The following ARL9 variants were observed in gnomAD, a reference collection of about 807,000 sequenced individuals.
ARL9 encodes ADP-ribosylation factor-like protein 9.
A neutral mutation model predicts 27.0 loss-of-function variants in ARL9; 14 were observed. That is an observed-to-expected ratio of 0.52 (90% CI 0.34 to 0.81). ARL9 has a LOEUF of 0.81. Ranked by LOEUF, ARL9 falls within the 30% of genes least tolerant of loss-of-function variation. The probability of loss-of-function intolerance (pLI) is 0.01; values close to 1 mark genes in which losing one functional copy is unlikely to be tolerated. For synonymous variants in ARL9, 106 were observed against 108.7 expected, an observed-to-expected ratio of 0.98 and a Z score of 0.15; for missense variants, 294 against 290.0, an observed-to-expected ratio of 1.01 and a Z score of -0.10.
intron 1 of ARL9, 88 bp from the exon 2 acceptor site, chr4:56,511,097 T>C: frequency 7.7e-7 from 1 of 1,300,290 alleles, no homozygotes; most frequent in Non-Finnish European, 1.0e-6. Flanking sequence ...CTGGTTACAG[T>C]TCCAAGAATA....
At chr4:56,516,042 A>C (rs946527836) in intron 2 of ARL9, among the ~76,000 whole-genome samples, 1 of 152,252 alleles carries the variant, frequency 6.6e-6, no homozygotes, top group Non-Finnish European at 1.5e-5. Context: ...TCAAGTATCA[A>C]ATCTTATTAT....
intron 3 of ARL9, 142 bp from the exon 4 acceptor site, chr4:56,523,555 C>G: frequency 1.6e-6 from 1 of 619,322 alleles, no homozygotes; most frequent in Non-Finnish European, 2.7e-6. Context: ...AACCTCTGGG[C>G]TCATAATAAT....
chr4:56,507,699 C>T (rs764651649), intron 1 of ARL9, among the ~76,000 whole-genome samples: 14 of 151,498 alleles, frequency 9.2e-5, no homozygotes, highest in African/African-American at 1.5e-4. Context: ...AAAAAGCCGG[C>T]GCAGTGGCTC....
chr4:56,519,453 A>G (rs952670258), intron 3 of ARL9, among the ~76,000 whole-genome samples: 2 of 152,140 alleles, frequency 1.3e-5, no homozygotes, highest in Non-Finnish European at 2.9e-5. Context: ...CTACTAAAAT[A>G]CAAAAGATTA....
In ARL9 at chr4:56,511,465, C is replaced by A. The variant is rs890652660; in HGVS notation, c.442+118C>A. ...TAACACTGAATCAAATTTTCCTAGA[C>A]TTTTAGAATGGATGTGTAGTTTAAT... On this transcript the variant is annotated intron_variant, in intron 2 of 3. Coordinates refer to ENST00000640821, the MANE Select transcript of ARL9 (RefSeq NM_001363794.2). 3.5e-6 allele frequency: 4 copies of A among 1,155,824 alleles called. No homozygotes were observed. The African/African-American group carries it at 4.7e-5, about 13-fold the overall frequency. The allele number at this position is 1,155,824 out of a possible 1,614,324, so 71.6% of individuals were successfully genotyped here.
rs1721669065 is a variant in ARL9, at chr4:56,512,645, T to G, written c.442+1298T>G. ...ACCTCTGCCTCCTGGGTTCAAGCGA[T>G]TCTCTTGCCTCAGTCTCCTGAGTAG... On this transcript the variant is annotated intron_variant, in intron 2 of 3. Transcript: ENST00000640821. Among the ~76,000 whole-genome samples, 3 of 151,790 alleles carry G rather than the reference T, an allele frequency of 2.0e-5. No individual in the cohort carries two copies. The South Asian group carries it at 6.3e-4, about 32-fold the overall frequency.
intron 1 of ARL9, among the ~76,000 whole-genome samples, chr4:56,510,231 T>G (rs1050394810): frequency 1.3e-5 from 2 of 151,420 alleles, no homozygotes; most frequent in Non-Finnish European, 2.9e-5. Context: ...GGCATGCTCC[T>G]GTAATCTCAG....
At chr4:56,505,592 T>C (rs957800574), upstream of ARL9, 1 of 594,636 alleles carries the variant, frequency 1.7e-6, no homozygotes, top group East Asian at 3.2e-5. Flanking sequence ...CCTCTTGGTT[T>C]CGCTTGGCTG....
At chr4:56,506,175 A>C in intron 1 of ARL9, 34 bp downstream of exon 1, 2 of 1,232,798 alleles carry the variant, frequency 1.6e-6, no homozygotes, top group Non-Finnish European at 2.0e-6. Flanking sequence ...CCCTTGCCCC[A>C]AGGCTTTTGT....
chr4:56,509,198 T>TTC (rs1721552995), intron 1 of ARL9, among the ~76,000 whole-genome samples: 1 of 136,994 alleles, frequency 7.3e-6, no homozygotes, highest in African/African-American at 2.8e-5. Context: ...TCTTTTTCTT[T>TTC]TTCTTTTTTT....
rs1460246658 is a variant in ARL9 at position 56,511,190 on chromosome 4, A to G, written c.285A>G (p.Lys95=). The G allele has an allele frequency of 7.0e-6, 11 of 1,577,340 alleles. No individual in the cohort carries two copies. The Admixed American group carries it at 2.1e-4, about 30-fold the overall frequency. ...TTTATCTTTTTGTTTCACAGGAGAA[A>G]AACAAGCAAATCCTAGTGCTGGGCC... ...LTRTPLEPLE[K]NKQILVLGLD... Residue 95 remains lysine, a synonymous_variant, in exon 2 of 4, where the codon AAA becomes AAG. Transcript: ENST00000640821.
intron 2 of ARL9, among the ~76,000 whole-genome samples, chr4:56,516,585 A>T (rs1412259270): frequency 1.3e-4 from 2 of 15,014 alleles, no homozygotes; most frequent in African/African-American, 3.2e-4. Flanking sequence ...CAAATTAGGC[A>T]AAAAAAAAAA....
At chr4:56,520,596 A>G (rs1393920467) in intron 3 of ARL9, among the ~76,000 whole-genome samples, 1 of 152,208 alleles carries the variant, frequency 6.6e-6, no homozygotes, top group African/African-American at 2.4e-5. Flanking sequence ...TAGTTGTATA[A>G]CAATGTAAAT....
intron 1 of ARL9, among the ~76,000 whole-genome samples, chr4:56,507,157 T>A (rs1002636119): frequency 2.0e-5 from 3 of 152,044 alleles, no homozygotes. Flanking sequence ...AAGGAATAAC[T>A]TTTGACAAAA....
chr4:56,523,920 A>C lies in ARL9; in HGVS notation c.*44A>C, dbSNP rs368044929. ...TGCGGCTCACGACTGAGATGTCATC[A>C]GTGTTGAATGGCAGGCTTGAAGCCA... On this transcript the variant is annotated 3_prime_UTR_variant, in exon 4 of 4. Coordinates refer to ENST00000640821, the MANE Select transcript of ARL9 (RefSeq NM_001363794.2). 1.2e-4 allele frequency: 180 copies of C among 1,536,976 alleles called. No homozygotes were observed. In the African/African-American group the frequency reaches 2.0e-3, roughly 17 times the overall value.
intron 3 of ARL9, among the ~76,000 whole-genome samples, chr4:56,521,387 T>C (rs1056004680): frequency 6.6e-6 from 1 of 152,192 alleles, no homozygotes; most frequent in Non-Finnish European, 1.5e-5. Flanking sequence ...GCCAGGAATT[T>C]TGAGTTATTT....
intron 3 of ARL9, among the ~76,000 whole-genome samples, chr4:56,521,018 T>C (rs1172784108): frequency 1.3e-5 from 2 of 152,052 alleles, no homozygotes; most frequent in Admixed American, 1.3e-4. Flanking sequence ...GAGACCAGCC[T>C]GGCCAACATG....
At chr4:56,520,074 C>T (rs1721874804) in intron 3 of ARL9, among the ~76,000 whole-genome samples, 1 of 151,880 alleles carries the variant, frequency 6.6e-6, no homozygotes, top group Non-Finnish European at 1.5e-5. Flanking sequence ...GCAATTTCGG[C>T]TAACCACAAC....
intron 2 of ARL9, among the ~76,000 whole-genome samples, chr4:56,517,965 A>T (rs1314693511): frequency 6.6e-6 from 1 of 152,012 alleles, no homozygotes; most frequent in Non-Finnish European, 1.5e-5. Flanking sequence ...CATCCTTTCC[A>T]TTCTTAATTA....
Sources: gnomAD v4.1 joint callset for allele counts (sites outside exome capture counted in the v4.1 genomes callset) on GRCh38, gnomAD v4.1.1 for gene constraint, MANE v1.5 for transcripts, NCBI Gene and HGNC (gene_info 2026-07-23, HGNC 2026-07-21) for gene names.